Variants in SCRN1 observed in about 807,000 individuals in gnomAD.
SCRN1 encodes the protein secernin 1.
SCRN1 carries 19 observed loss-of-function variants against 43.3 expected under a neutral mutation model. That is an observed-to-expected ratio of 0.44 (90% CI 0.31 to 0.64). The LOEUF is 0.64. Among genes scored for constraint, SCRN1 ranks in the 30% least tolerant of loss-of-function variants. The probability of loss-of-function intolerance (pLI) is 0.09; values close to 1 mark genes in which losing one functional copy is unlikely to be tolerated. For missense variants in SCRN1, 447 were observed against 524.1 expected (o/e 0.85, Z 1.44); for synonymous variants, 183 against 188.9 (o/e 0.97, Z 0.26).
rs1786795277 is a variant in SCRN1 at position 29,922,310 on chromosome 7, T to G, written c.*1647A>C. 1 of 152,130 alleles carries G rather than the reference T, an allele frequency of 6.6e-6. No homozygotes were observed. The highest frequency in any genetic ancestry group is 1.5e-5 in the Non-Finnish European group (1 of 68,024). The allele number at this position is 152,130 out of a possible 1,614,324, so 9.4% of individuals were successfully genotyped here. A position where few individuals can be genotyped will look rare whatever the true frequency, so the allele number is the denominator to read the frequency against. On this transcript the variant is annotated 3_prime_UTR_variant, in exon 8 of 8. Coordinates refer to ENST00000242059, the MANE Select transcript of SCRN1 (RefSeq NM_014766.5). ...CTCCTATACTCACGCTCTGGAGAGT[T>G]GGTAGAAAAAAAGAATGTGTTCTGA...
intron 1 of SCRN1, among the ~76,000 whole-genome samples, chr7:29,984,300 A>G (rs1789084429): frequency 6.6e-6 from 1 of 151,972 alleles, no homozygotes; most frequent in African/African-American, 2.4e-5. Flanking sequence ...AATTTTTACA[A>G]TTAAAACCAC....
Position 29,931,768 on chromosome 7 carries a change from GAAC to G in SCRN1, c.905+4785_905+4787del, listed in dbSNP as rs533660829. Among the ~76,000 whole-genome samples, 52 of 152,262 alleles carry G rather than the reference GAAC, an allele frequency of 3.4e-4. No individual in the cohort carries two copies. In the South Asian group the frequency reaches 9.9e-3, roughly 29 times the overall value. On this transcript the variant is annotated intron_variant, in intron 6 of 7. Transcript: ENST00000242059. ...CTACTGAGGAGAGTTAGCACAGAAA[GAAC>G]AATACATAAATCCCTGTTCAGAGGA...
rs1216147595 is a variant in SCRN1 at position 29,950,538 on chromosome 7, CT to C, written c.341+4640del. On this transcript the variant is annotated intron_variant, in intron 3 of 7. Transcript: ENST00000242059. This position sits in a 1 kb window ranked among gnomAD's most constrained non-coding sequence, Gnocchi z 4.5. ...AATGGCCGGAAGCCCGGAGGCTGGT[CT>C]GCTAGTTCCGGGTGGAGTACGCAGC... Among the ~76,000 whole-genome samples the C allele has an allele frequency of 6.6e-6, 1 of 152,238 alleles. No individual in the cohort carries two copies. Among genetic ancestry groups the C allele is most frequent in the Non-Finnish European group, 1.5e-5 (1 of 68,044 alleles).
Position 29,950,803 on chromosome 7 carries a change from G to A in SCRN1, c.341+4376C>T, listed in dbSNP as rs188231653. Among the ~76,000 whole-genome samples the A allele has an allele frequency of 1.1e-4, 17 of 152,320 alleles. No homozygotes were observed. The East Asian group carries it at 1.2e-3, about 10-fold the overall frequency. On this transcript the variant is annotated intron_variant, in intron 3 of 7. Coordinates refer to ENST00000242059, the MANE Select transcript of SCRN1 (RefSeq NM_014766.5). This position sits in a 1 kb window ranked among gnomAD's most constrained non-coding sequence, Gnocchi z 4.5. The stretch of plus-strand genomic sequence containing the variant: ...CCTCTCTGCTGAGAGCTGGATACTC[G>A]TCAGGATGACCTGCCTGCAGAATGG...
chr7:29,938,421 G>C (rs1787414304), intron 5 of SCRN1, among the ~76,000 whole-genome samples: 1 of 152,186 alleles, frequency 6.6e-6, no homozygotes, highest in South Asian at 2.1e-4. Flanking sequence ...TTATTTGTTG[G>C]GAACAGGGCC....
intron 3 of SCRN1, chr7:29,947,269 T>C: frequency 6.4e-7 from 1 of 1,550,788 alleles, no homozygotes; most frequent in South Asian, 1.2e-5. Flanking sequence ...CCCATGACCT[T>C]CTCACAGGTA....
intron 6 of SCRN1, among the ~76,000 whole-genome samples, chr7:29,929,667 G>A (rs1427134638): frequency 2.0e-5 from 3 of 152,218 alleles, no homozygotes; most frequent in East Asian, 1.9e-4. Flanking sequence ...CCCGCTTTGC[G>A]TCTGACCCAC....
At chr7:29,971,632 T>TAA (rs1788667726) in intron 1 of SCRN1, among the ~76,000 whole-genome samples, 2 of 123,420 alleles carry the variant, frequency 1.6e-5, no homozygotes, top group Admixed American at 8.2e-5. Context: ...AGACCCTGTC[T>TAA]CAAAAAAAAA....
At chr7:29,932,172 G>C (rs1443008677) in intron 6 of SCRN1, among the ~76,000 whole-genome samples, 1 of 152,108 alleles carries the variant, frequency 6.6e-6, no homozygotes, top group Non-Finnish European at 1.5e-5. Context: ...GCTGGTGTTG[G>C]AAGAATTCAG....
intron 3 of SCRN1, chr7:29,947,219 A>G (rs911581743): frequency 1.9e-6 from 3 of 1,550,488 alleles, no homozygotes; most frequent in Non-Finnish European, 2.6e-6. Context: ...ATGCTCCTGA[A>G]TTCAATTCCT....
At chr7:29,940,228 G>A (rs1279742787) in intron 5 of SCRN1, among the ~76,000 whole-genome samples, 2 of 152,074 alleles carry the variant, frequency 1.3e-5, no homozygotes, top group Non-Finnish European at 2.9e-5. Context: ...GTTGGCAGAC[G>A]GAGTGGCAAG....
intron 3 of SCRN1, among the ~76,000 whole-genome samples, chr7:29,946,182 G>C (rs1184454585): frequency 1.3e-5 from 2 of 152,242 alleles, no homozygotes; most frequent in East Asian, 3.8e-4. Flanking sequence ...AACCTTAGGA[G>C]AGGGATAAAA....
chr7:29,923,530 CTTG>C lies in SCRN1; in HGVS notation c.*424_*426del, dbSNP rs1786838647. On this transcript the variant is annotated 3_prime_UTR_variant, in exon 8 of 8. Transcript: ENST00000242059. Reference sequence around the variant, plus strand: ...GCCCTGTGTGTGTGCACAAATGCCTCTTGTTAACCTGAAAGAAACCGCTACTGA... The same window carrying C: ...GCCCTGTGTGTGTGCACAAATGCCTCTTAACCTGAAAGAAACCGCTACTGA... The C allele has an allele frequency of 5.9e-6, 1 of 168,260 alleles. No individual in the cohort carries two copies. The highest frequency in any genetic ancestry group is 5.6e-5 in the Admixed American group (1 of 17,920). The allele number at this position is 168,260 out of a possible 1,614,324, so 10.4% of individuals were successfully genotyped here.
intron 2 of SCRN1, among the ~76,000 whole-genome samples, chr7:29,961,644 G>T (rs1008532623): frequency 6.6e-5 from 10 of 151,058 alleles, no homozygotes; most frequent in African/African-American, 2.4e-4. Context: ...CAGTAGGGGC[G>T]GCCGGGCAGA....
At chr7:29,927,630 A>G (rs933110713) in intron 6 of SCRN1, among the ~76,000 whole-genome samples, 2 of 152,186 alleles carry the variant, frequency 1.3e-5, no homozygotes, top group Non-Finnish European at 2.9e-5. Context: ...GGAACTCCCC[A>G]TATGTGCCCC....
chr7:29,944,590 C>T (rs554398902), intron 3 of SCRN1, among the ~76,000 whole-genome samples: 1 of 146,302 alleles, frequency 6.8e-6, no homozygotes, highest in East Asian at 2.0e-4. Flanking sequence ...TTAAGCCAAG[C>T]AGGTCGAGGC....
chr7:29,956,616 C>A lies in SCRN1; in HGVS notation c.160-1256G>T, dbSNP rs181138463. Among the ~76,000 whole-genome samples the A allele has an allele frequency of 1.8e-3, 278 of 152,292 alleles. 2 individuals carry two copies. Among genetic ancestry groups the A allele is most frequent in the African/African-American group, 6.0e-3 (250 of 41,546 alleles). On this transcript the variant is annotated intron_variant, in intron 2 of 7. Transcript: ENST00000242059. ...GCTAAACCTCAGGTAAGAGCTGAAA[C>A]CCGTGTGACACACACACTCACTGGT...
chr7:29,963,777 T>C (rs558643290), intron 2 of SCRN1, among the ~76,000 whole-genome samples: 198 of 152,306 alleles, frequency 1.3e-3, no homozygotes, highest in Non-Finnish European at 2.0e-3. Flanking sequence ...AAATGAACTA[T>C]GGTACATCTC....
rs1482366090 is a variant in SCRN1 at position 29,920,606 on chromosome 7, G to A, written c.*3351C>T. 6.6e-6 allele frequency: 1 copy of A among 152,202 alleles called. No homozygotes were observed. Among genetic ancestry groups the A allele is most frequent in the Non-Finnish European group, 1.5e-5 (1 of 68,058 alleles). 9.4% of individuals were successfully genotyped at this position (152,202 alleles called of 1,614,324 possible). A position where few individuals can be genotyped will look rare whatever the true frequency, so the allele number is the denominator to read the frequency against. On this transcript the variant is annotated 3_prime_UTR_variant, in exon 8 of 8. Coordinates refer to ENST00000242059, the MANE Select transcript of SCRN1 (RefSeq NM_014766.5). Reference sequence around the variant, plus strand: ...CCACGTGCTTCCTTCCTAAGGCTGAGAGCTCAACTGAAGACCTTCCCCAAT... The same window carrying A: ...CCACGTGCTTCCTTCCTAAGGCTGAAAGCTCAACTGAAGACCTTCCCCAAT...
Sources: gnomAD v4.1 joint callset for allele counts (sites outside exome capture counted in the v4.1 genomes callset) on GRCh38, gnomAD v4.1.1 for gene constraint, Gnocchi (gnomAD v3.1) non-coding constraint, MANE v1.5 for transcripts, NCBI Gene and HGNC (gene_info 2026-07-23, HGNC 2026-07-21) for gene names.